The following CAV1 variants were observed in gnomAD, a reference collection of about 807,000 sequenced individuals.
CAV1 encodes caveolin 1.
A neutral mutation model predicts 16.5 loss-of-function variants in CAV1; 10 were observed. That is an observed-to-expected ratio of 0.61 (90% CI 0.37 to 1.03). The LOEUF is 1.03. CAV1 is among the 50% of genes least tolerant of loss of function. CAV1 has a pLI of 0.01. For missense variants in CAV1, 212 were observed against 232.8 expected (o/e 0.91, Z 0.58); for synonymous variants, 76 against 85.1 (o/e 0.89, Z 0.59).
At chr7:116,530,647 A>G (rs2115953238) in intron 2 of CAV1, among the ~76,000 whole-genome samples, 1 of 152,260 alleles carries the variant, frequency 6.6e-6, no homozygotes, top group South Asian at 2.1e-4. Context: ...GGCATTCTAA[A>G]CGAGCCAGGC....
intron 2 of CAV1, among the ~76,000 whole-genome samples, chr7:116,550,302 A>G (rs1794132092): frequency 2.0e-5 from 3 of 152,142 alleles, no homozygotes; most frequent in African/African-American, 7.2e-5. Context: ...GAGGTTACTT[A>G]GTATCTGTCA....
chr7:116,534,395 A>ATATATATTTTTTTTTTT (rs1442237865), intron 2 of CAV1, among the ~76,000 whole-genome samples: 7 of 7,796 alleles, frequency 9.0e-4, no homozygotes, highest in Non-Finnish European at 1.6e-3. Flanking sequence ...ATATATATAT[A>ATATATATTTTTTTTTTT]TTTTTTTTTT....
intron 2 of CAV1, among the ~76,000 whole-genome samples, chr7:116,540,716 G>A (rs1000314644): frequency 6.6e-6 from 1 of 152,102 alleles, no homozygotes; most frequent in African/African-American, 2.4e-5. Context: ...AATTACAATA[G>A]CCCATAAAAA....
rs1794376211 is a variant in CAV1 at position 116,560,085 on chromosome 7, T to A, written c.*798T>A. 2.8e-6 allele frequency: 1 copy of A among 361,698 alleles called. No homozygotes were observed. Among genetic ancestry groups the A allele is most frequent in the Admixed American group, 4.6e-5 (1 of 21,538 alleles). The allele number at this position is 361,698 out of a possible 1,614,324, so 22.4% of individuals were successfully genotyped here. A position where few individuals can be genotyped will look rare whatever the true frequency, so the allele number is the denominator to read the frequency against. ...GTGTTTCTGACTCTGAGCTACAGAG[T>A]CTGGTGAAGCTCACTTCTGGGCTTC... On this transcript the variant is annotated 3_prime_UTR_variant, in exon 3 of 3. Coordinates refer to ENST00000341049, the MANE Select transcript of CAV1 (RefSeq NM_001753.5).
intron 2 of CAV1, among the ~76,000 whole-genome samples, chr7:116,533,146 C>T (rs1793717928): frequency 6.6e-6 from 1 of 152,024 alleles, no homozygotes; most frequent in South Asian, 2.1e-4. Context: ...GCAAGATCAT[C>T]CTGGCCAACA....
rs1554358579 is a variant in CAV1 at position 116,559,314 on chromosome 7, C to T, written c.*27C>T. The stretch of plus-strand genomic sequence containing the variant: ...TGACATTTCAAGGATAGAAGTATAC[C>T]TGATTTTTTTTCCTTTTAATTTTCC... On this transcript the variant is annotated 3_prime_UTR_variant, in exon 3 of 3. Transcript: ENST00000341049. The T allele has an allele frequency of 3.2e-6, 5 of 1,566,934 alleles. No individual in the cohort carries two copies. The South Asian group carries it at 5.6e-5, about 17-fold the overall frequency.
chr7:116,551,084 T>C (rs1465364707), intron 2 of CAV1, among the ~76,000 whole-genome samples: 2 of 152,192 alleles, frequency 1.3e-5, no homozygotes, highest in African/African-American at 4.8e-5. Flanking sequence ...TGGCACACTC[T>C]AGTCTTTTGC....
chr7:116,557,988 A>G (rs1451844573), intron 2 of CAV1, among the ~76,000 whole-genome samples: 2 of 152,132 alleles, frequency 1.3e-5, no homozygotes. Context: ...GACACTTACT[A>G]TGACACCCTT....
intron 2 of CAV1, among the ~76,000 whole-genome samples, chr7:116,530,963 G>A (rs971601845): frequency 3.9e-5 from 6 of 152,206 alleles, no homozygotes; most frequent in African/African-American, 1.4e-4. Context: ...AGATGTAATT[G>A]CATCATGGTC....
In CAV1 at chr7:116,534,375, ATATATATATATATATATATATTTTT is replaced by A. The variant is rs1487872455; in HGVS notation, c.195+7688_195+7712del. ...GGGCCCACCTCAGATATATATATAT[ATATATATATATATATATATATTTTT>A]TTTTTTTTTTTTTTTTTGAGACGAT... On this transcript the variant is annotated intron_variant, in intron 2 of 2. Transcript: ENST00000341049. Among the ~76,000 whole-genome samples, 3 of 13,700 alleles carry A rather than the reference ATATATATATATATATATATATTTTT, an allele frequency of 2.2e-4. 1 individual carries two copies. In the South Asian group the frequency reaches 0.016, roughly 72 times the overall value. The allele number at this position is 13,700 out of a possible 152,430, so 9.0% of individuals were successfully genotyped here.
Position 116,559,949 on chromosome 7 carries a change from C to T in CAV1, c.*662C>T, listed in dbSNP as rs1366808176. The T allele has an allele frequency of 2.5e-6, 1 of 397,822 alleles. No homozygotes were observed. The highest frequency in any genetic ancestry group is 3.6e-5 in the East Asian group (1 of 28,064). The allele number at this position is 397,822 out of a possible 1,614,324, so 24.6% of individuals were successfully genotyped here. Reference sequence around the variant, plus strand: ...GTAGATAACAAGACCTCAGTGCCTTCCTGTTTTTCACATTTTCCTTTTCAA... The same window carrying T: ...GTAGATAACAAGACCTCAGTGCCTTTCTGTTTTTCACATTTTCCTTTTCAA... On this transcript the variant is annotated 3_prime_UTR_variant, in exon 3 of 3. Coordinates refer to ENST00000341049, the MANE Select transcript of CAV1 (RefSeq NM_001753.5).
chr7:116,534,391 A>ATTTTTTTT (rs1562830042), intron 2 of CAV1, among the ~76,000 whole-genome samples: 7 of 8,220 alleles, frequency 8.5e-4, no homozygotes, highest in Non-Finnish European at 9.6e-4. Context: ...ATATATATAT[A>ATTTTTTTT]TATATTTTTT....
At chr7:116,538,300 A>G (rs958392722) in intron 2 of CAV1, among the ~76,000 whole-genome samples, 1 of 152,246 alleles carries the variant, frequency 6.6e-6, no homozygotes, top group Non-Finnish European at 1.5e-5. Context: ...TCAAAAACAA[A>G]TGCCAGAAGG....
At chr7:116,525,879 G>C (rs1793546261) in intron 1 of CAV1, 1 of 975,120 alleles carries the variant, frequency 1.0e-6, no homozygotes, top group African/African-American at 1.8e-5. Flanking sequence ...TCGGGATTGT[G>C]ATCATCACGG....
chr7:116,540,326 G>A (rs1342798299), intron 2 of CAV1, among the ~76,000 whole-genome samples: 2 of 152,068 alleles, frequency 1.3e-5, no homozygotes, highest in Non-Finnish European at 1.5e-5. Flanking sequence ...TGAAATGAAC[G>A]TCAGCTCTTT....
intron 2 of CAV1, among the ~76,000 whole-genome samples, chr7:116,548,769 G>C (rs150800769): frequency 1.2e-4 from 18 of 152,108 alleles, no homozygotes; most frequent in Admixed American, 2.0e-4. Context: ...CCTGAGGCTC[G>C]GTCTCCTAAT....
intron 2 of CAV1, among the ~76,000 whole-genome samples, chr7:116,534,631 A>C (rs1349896003): frequency 6.6e-6 from 1 of 151,030 alleles, no homozygotes; most frequent in Non-Finnish European, 1.5e-5. Flanking sequence ...CAATCTCCTG[A>C]CCTTGTGATC....
chr7:116,539,793 C>T (rs1485089703), intron 2 of CAV1, among the ~76,000 whole-genome samples: 3 of 152,074 alleles, frequency 2.0e-5, no homozygotes, highest in African/African-American at 7.2e-5. Context: ...GTCTGGCAGA[C>T]AGGACAGGCA....
chr7:116,545,832 C>A (rs756235949), intron 2 of CAV1, among the ~76,000 whole-genome samples: 6 of 152,150 alleles, frequency 3.9e-5, no homozygotes, highest in Non-Finnish European at 5.9e-5. Context: ...CAGATTTGTC[C>A]CATGACATGC....
Sources: allele counts gnomAD v4.1 joint callset (sites outside exome capture counted in the v4.1 genomes callset), GRCh38; gene constraint gnomAD v4.1.1; transcripts MANE v1.5; gene names NCBI Gene and HGNC (gene_info 2026-07-23, HGNC 2026-07-21).